Variants in CYP4X1 observed in about 807,000 individuals in gnomAD.
CYP4X1 encodes the protein cytochrome P450 4X1.
A neutral mutation model predicts 57.9 loss-of-function variants in CYP4X1; 44 were observed. That is an observed-to-expected ratio of 0.76 (90% CI 0.60 to 0.98). The LOEUF (loss-of-function observed/expected upper bound fraction) is 0.98. Among genes scored for constraint, CYP4X1 ranks in the 50% least tolerant of loss-of-function variants. The probability of loss-of-function intolerance (pLI) is 0.00; values close to 1 mark genes in which losing one functional copy is unlikely to be tolerated. For synonymous variants in CYP4X1, 227 were observed against 228.6 expected (o/e 0.99, Z 0.06); for missense variants, 532 against 623.9 (o/e 0.85, Z 1.57).
intron 8 of CYP4X1, among the ~76,000 whole-genome samples, chr1:47,042,604 C>T (rs927852127): frequency 6.6e-6 from 1 of 152,024 alleles, no homozygotes; most frequent in Non-Finnish European, 1.5e-5. Context: ...GTATCCCTCA[C>T]CTCCCTCCCA....
the CYP4X1 span, among the ~76,000 whole-genome samples, chr1:47,005,594 T>C: frequency 6.6e-6 from 1 of 152,246 alleles, no homozygotes; most frequent in Non-Finnish European, 1.5e-5. Context: ...CTTATTGTTA[T>C]ATGTTGTGAC....
the CYP4X1 span, among the ~76,000 whole-genome samples, chr1:46,995,614 T>C: frequency 6.6e-6 from 1 of 152,228 alleles, no homozygotes; most frequent in Non-Finnish European, 1.5e-5. Context: ...GAAAAATTCC[T>C]CGGAAGTTTT....
At chr1:47,010,376 ACT>A in the CYP4X1 span, among the ~76,000 whole-genome samples, 1 of 152,136 alleles carries the variant, frequency 6.6e-6, no homozygotes, top group Non-Finnish European at 1.5e-5. Context: ...CATGCTAAAA[ACT>A]CTCAATAAAT....
chr1:47,029,526 A>G (rs1644103800), intron 1 of CYP4X1, among the ~76,000 whole-genome samples: 1 of 152,234 alleles, frequency 6.6e-6, no homozygotes, highest in Admixed American at 6.5e-5. Context: ...GTCATGAGAA[A>G]TAATCACTGG....
chr1:46,986,137 G>T, the CYP4X1 span, among the ~76,000 whole-genome samples: 1 of 152,188 alleles, frequency 6.6e-6, no homozygotes, highest in African/African-American at 2.4e-5. Context: ...AAGGTTAGAT[G>T]AATTGCTAAC....
intron 1 of CYP4X1, among the ~76,000 whole-genome samples, chr1:47,027,244 C>T (rs530726061): frequency 1.2e-4 from 18 of 151,718 alleles, no homozygotes; most frequent in Admixed American, 1.1e-3. Flanking sequence ...ACATGTCAAA[C>T]TGTCTAATAT....
At chr1:47,007,277 G>A in the CYP4X1 span, among the ~76,000 whole-genome samples, 3 of 152,120 alleles carry the variant, frequency 2.0e-5, no homozygotes, top group Non-Finnish European at 2.9e-5. Context: ...ACCAACATCC[G>A]CTGTTCTGCA....
chr1:47,051,573 T>G (rs191135433), downstream of CYP4X1, among the ~76,000 whole-genome samples: 256 of 152,308 alleles, frequency 1.7e-3, no homozygotes, highest in African/African-American at 5.8e-3. Flanking sequence ...TTGGATGACC[T>G]AATTTGCTTT....
chr1:46,974,351 G>A, the CYP4X1 span, among the ~76,000 whole-genome samples: 2 of 151,984 alleles, frequency 1.3e-5, no homozygotes, highest in Non-Finnish European at 2.9e-5. Context: ...ACCAAGCGTA[G>A]GGTCCATTTT....
chr1:47,007,291 A>T, the CYP4X1 span, among the ~76,000 whole-genome samples: 4,918 of 152,270 alleles, frequency 0.032, 105 homozygotes, highest in South Asian at 0.05. Context: ...TTCTGCAGCC[A>T]CCGCTGCTGA....
chr1:47,051,806 T>C (rs1455238254), downstream of CYP4X1, among the ~76,000 whole-genome samples: 1 of 152,022 alleles, frequency 6.6e-6, no homozygotes, highest in Non-Finnish European at 1.5e-5. Context: ...CAATATTTCC[T>C]TGTTTTTTTC....
At chr1:46,968,431 G>A in the CYP4X1 span, among the ~76,000 whole-genome samples, 6,608 of 152,160 alleles carry the variant, frequency 0.043, 485 homozygotes, top group African/African-American at 0.14. Flanking sequence ...GCCCTCCATG[G>A]ACTGTTGCCT....
the CYP4X1 span, among the ~76,000 whole-genome samples, chr1:47,017,038 C>T: frequency 6.6e-6 from 1 of 152,300 alleles, no homozygotes; most frequent in East Asian, 1.9e-4. Context: ...GGATCTCATT[C>T]TTTTTTATGG....
the CYP4X1 span, among the ~76,000 whole-genome samples, chr1:47,009,737 C>A: frequency 6.6e-6 from 1 of 152,134 alleles, no homozygotes; most frequent in East Asian, 1.9e-4. Flanking sequence ...ATATCACCAC[C>A]TATCCCACAG....
chr1:47,017,120 T>C, the CYP4X1 span, among the ~76,000 whole-genome samples: 19 of 152,252 alleles, frequency 1.2e-4, no homozygotes, highest in Non-Finnish European at 2.4e-4. Flanking sequence ...ACACTTAGGT[T>C]GCTTCCAAAT....
At chr1:46,993,934 A>G in the CYP4X1 span, among the ~76,000 whole-genome samples, 1 of 152,150 alleles carries the variant, frequency 6.6e-6, no homozygotes, top group South Asian at 2.1e-4. Context: ...CTTTAGTTTA[A>G]TTAGATCCCA....
chr1:47,010,143 A>G, the CYP4X1 span, among the ~76,000 whole-genome samples: 1 of 152,166 alleles, frequency 6.6e-6, no homozygotes, highest in East Asian at 1.9e-4. Flanking sequence ...CCTGATGAAC[A>G]TCGATGCAAA....
chr1:47,031,171 G>A (rs182868374), intron 2 of CYP4X1, among the ~76,000 whole-genome samples: 1 of 152,362 alleles, frequency 6.6e-6, no homozygotes, highest in Non-Finnish European at 1.5e-5. Context: ...GGCAAACTCT[G>A]TTCTTGTTGG....
the CYP4X1 span, among the ~76,000 whole-genome samples, chr1:46,982,232 T>A: frequency 6.6e-6 from 1 of 152,330 alleles, no homozygotes; most frequent in East Asian, 1.9e-4. Flanking sequence ...GCCTATTTTA[T>A]CTTTCATCTC....
Sources: allele counts gnomAD v4.1 joint callset (sites outside exome capture counted in the v4.1 genomes callset), GRCh38; gene constraint gnomAD v4.1.1; transcripts MANE v1.5; gene names NCBI Gene and HGNC (gene_info 2026-07-23, HGNC 2026-07-21).